Variants in PGCKA1 observed in about 807,000 individuals in gnomAD.
The protein encoded by PGCKA1 is PDCD10 and GCKIII kinases associated 1.
chr4:37,588,973 G>T, the PGCKA1 span: 1 of 1,070,358 alleles, frequency 9.3e-7, no homozygotes, highest in Non-Finnish European at 1.5e-6. Flanking sequence ...AAGACCATGC[G>T]TGTATTCAGT....
At chr4:37,563,913 G>C in the PGCKA1 span, among the ~76,000 whole-genome samples, 2 of 152,110 alleles carry the variant, frequency 1.3e-5, no homozygotes, top group South Asian at 2.1e-4. Context: ...TGGTTCCAGG[G>C]AAGATTTGGT....
the PGCKA1 span, among the ~76,000 whole-genome samples, chr4:37,508,361 A>G: frequency 6.6e-6 from 1 of 151,396 alleles, no homozygotes; most frequent in South Asian, 2.1e-4. Context: ...TTTTGAGGCT[A>G]TTTTCTAGAT....
the PGCKA1 span, among the ~76,000 whole-genome samples, chr4:37,478,142 A>ATC: frequency 1.7e-5 from 1 of 59,558 alleles, no homozygotes; most frequent in African/African-American, 5.4e-5. Flanking sequence ...TTTTAAAAAC[A>ATC]CCCCCCCCCA....
the PGCKA1 span, among the ~76,000 whole-genome samples, chr4:37,573,757 T>A: frequency 3.9e-5 from 6 of 152,194 alleles, no homozygotes; most frequent in African/African-American, 1.4e-4. Context: ...GGGTCACAAG[T>A]AGAATTGCTG....
chr4:37,499,291 T>C, the PGCKA1 span, among the ~76,000 whole-genome samples: 1 of 152,210 alleles, frequency 6.6e-6, no homozygotes, highest in African/African-American at 2.4e-5. Context: ...TTTTTTTTTG[T>C]TGAGCCTCTG....
chr4:37,578,925 G>A, the PGCKA1 span, among the ~76,000 whole-genome samples: 2 of 152,062 alleles, frequency 1.3e-5, no homozygotes, highest in African/African-American at 4.8e-5. Context: ...AGGCATGGTG[G>A]TGCACACCTG....
At chr4:37,587,077 C>A in the PGCKA1 span, among the ~76,000 whole-genome samples, 1 of 152,112 alleles carries the variant, frequency 6.6e-6, no homozygotes, top group African/African-American at 2.4e-5. Flanking sequence ...TGAATCTGTT[C>A]CTTCCCTCTT....
chr4:37,584,091 G>A, the PGCKA1 span: 1 of 152,226 alleles, frequency 6.6e-6, no homozygotes, highest in Non-Finnish European at 1.5e-5. Context: ...CTAAATGCAA[G>A]ATGTAGAAGT....
the PGCKA1 span, among the ~76,000 whole-genome samples, chr4:37,530,751 C>A: frequency 6.6e-6 from 1 of 150,972 alleles, no homozygotes; most frequent in Non-Finnish European, 1.5e-5. Flanking sequence ...CCTAAGCGGG[C>A]GGTTCACTTG....
At chr4:37,582,878 C>T in the PGCKA1 span, among the ~76,000 whole-genome samples, 1 of 152,148 alleles carries the variant, frequency 6.6e-6, no homozygotes, top group Admixed American at 6.5e-5. Flanking sequence ...ACCCACTAGT[C>T]CTACCATCCA....
chr4:37,457,288 A>G, the PGCKA1 span, among the ~76,000 whole-genome samples: 6 of 152,224 alleles, frequency 3.9e-5, no homozygotes, highest in African/African-American at 1.4e-4. Context: ...GTGGAAATGG[A>G]CAGTAGAACA....
At chr4:37,498,755 T>C in the PGCKA1 span, among the ~76,000 whole-genome samples, 2 of 152,210 alleles carry the variant, frequency 1.3e-5, no homozygotes, top group East Asian at 3.9e-4. Context: ...TTTCTAGATA[T>C]AGAAGCATGC....
At chr4:37,478,136 A>G in the PGCKA1 span, among the ~76,000 whole-genome samples, 2 of 110,418 alleles carry the variant, frequency 1.8e-5, no homozygotes, top group Non-Finnish European at 4.0e-5. Flanking sequence ...TTTTTATTTT[A>G]AAAACACCCC....
At chr4:37,496,178 T>C in the PGCKA1 span, among the ~76,000 whole-genome samples, 1 of 152,348 alleles carries the variant, frequency 6.6e-6, no homozygotes, top group East Asian at 1.9e-4. Flanking sequence ...GCATCTTCCT[T>C]ATAAAATCTT....
At chr4:37,548,170 GAAAAAAAGTTATA>G in the PGCKA1 span, among the ~76,000 whole-genome samples, 1 of 146,350 alleles carries the variant, frequency 6.8e-6, no homozygotes, top group East Asian at 2.3e-4. Context: ...AGTCGTGAAA[GAAAAAAAGTTATA>G]AAAAAAAGTT....
the PGCKA1 span, among the ~76,000 whole-genome samples, chr4:37,514,249 AC>A: frequency 6.6e-6 from 1 of 152,202 alleles, no homozygotes; most frequent in East Asian, 1.9e-4. Context: ...CACCAATCCT[AC>A]CCATACGATG....
At chr4:37,545,669 T>C in the PGCKA1 span, among the ~76,000 whole-genome samples, 8 of 152,200 alleles carry the variant, frequency 5.3e-5, no homozygotes, top group Non-Finnish European at 1.2e-4. Flanking sequence ...TGGGAGGTAG[T>C]TGGACGTGTT....
At chr4:37,578,752 G>A in the PGCKA1 span, among the ~76,000 whole-genome samples, 6 of 151,984 alleles carry the variant, frequency 3.9e-5, no homozygotes, top group Non-Finnish European at 5.9e-5. Flanking sequence ...CATGAGGCCT[G>A]CAAATACTAT....
the PGCKA1 span, among the ~76,000 whole-genome samples, chr4:37,551,051 A>G: frequency 6.6e-6 from 1 of 152,154 alleles, no homozygotes; most frequent in African/African-American, 2.4e-5. Flanking sequence ...TTCCAGTTAC[A>G]TAGACAGAGA....
Sources: gnomAD v4.1 joint callset for allele counts (sites outside exome capture counted in the v4.1 genomes callset) on GRCh38, gnomAD v4.1.1 for gene constraint, MANE v1.5 for transcripts, NCBI Gene and HGNC (gene_info 2026-07-23, HGNC 2026-07-21) for gene names.